NMNAT1: variants seen among roughly 807,000 people sequenced by gnomAD.
NMNAT1 encodes nicotinamide/nicotinic acid mononucleotide adenylyltransferase 1.
Under a neutral mutation model 16.7 loss-of-function variants are expected in NMNAT1, and 11 were observed. The ratio of observed to expected loss-of-function variants is 0.66; its 90% CI spans 0.41 to 1.09. The LOEUF (loss-of-function observed/expected upper bound fraction) is 1.09, where lower values mean the gene tolerates loss of function less well. NMNAT1 is among the 50% of genes least tolerant of loss of function. NMNAT1 has a pLI of 0.00. For synonymous variants in NMNAT1, 110 were observed against 119.8 expected (o/e 0.92, Z 0.53); for missense variants, 280 against 332.3 (o/e 0.84, Z 1.22).
chr1:9,987,207 A>G (rs1386704423), downstream of NMNAT1, among the ~76,000 whole-genome samples: 2 of 151,688 alleles, frequency 1.3e-5, no homozygotes, highest in African/African-American at 4.8e-5. Flanking sequence ...CTCAACAAAC[A>G]AAAACAAAAC....
intron 1 of NMNAT1, among the ~76,000 whole-genome samples, chr1:9,967,009 A>G (rs1045195683): frequency 1.3e-5 from 2 of 152,046 alleles, no homozygotes; most frequent in African/African-American, 4.8e-5. Context: ...AGATCACCTG[A>G]GGTCAGGAGT....
chr1:9,980,616 A>G (rs1383873893), intron 3 of NMNAT1, among the ~76,000 whole-genome samples: 2 of 151,754 alleles, frequency 1.3e-5, no homozygotes, highest in Non-Finnish European at 2.9e-5. Context: ...GCAAGACACC[A>G]TCTCAAAATA....
downstream of NMNAT1, among the ~76,000 whole-genome samples, chr1:9,989,737 G>C (rs943906014): frequency 6.6e-6 from 1 of 152,096 alleles, no homozygotes; most frequent in African/African-American, 2.4e-5. Context: ...ATTCCTCCTG[G>C]ACACTGGACA....
At chr1:9,971,916 G>A (rs1199779666) in intron 1 of NMNAT1, 102 bp from the exon 2 acceptor site, 1 of 592,862 alleles carries the variant, frequency 1.7e-6, no homozygotes, top group African/African-American at 1.9e-5. Flanking sequence ...GGTGCAGTCA[G>A]CTGTGGTTGC....
chr1:9,982,799 C>T lies in NMNAT1; in HGVS notation c.*98C>T. ...AAGAAGTTGTGATCTGTTGCCTAAACTAAAGCTTAAAAGTTTAGTAAAAAT... is the reference window on the plus strand; with the variant it reads ...AAGAAGTTGTGATCTGTTGCCTAAATTAAAGCTTAAAAGTTTAGTAAAAAT... On this transcript the variant is annotated 3_prime_UTR_variant, in exon 5 of 5. Coordinates refer to ENST00000377205, the MANE Select transcript of NMNAT1 (RefSeq NM_022787.4). 1 of 1,295,296 alleles carries T rather than the reference C, an allele frequency of 7.7e-7. No individual in the cohort carries two copies. The highest frequency in any genetic ancestry group is 1.1e-6 in the Non-Finnish European group (1 of 948,372). 80.2% of individuals were successfully genotyped at this position (1,295,296 alleles called of 1,614,324 possible). A position where few individuals can be genotyped will look rare whatever the true frequency, so the allele number is the denominator to read the frequency against.
chr1:9,980,332 A>G (rs910130644), intron 3 of NMNAT1, among the ~76,000 whole-genome samples: 2 of 151,912 alleles, frequency 1.3e-5, no homozygotes, highest in South Asian at 2.1e-4. Flanking sequence ...AATGTGTGGC[A>G]TATGATAAAT....
At position 9,983,039 on chromosome 1, in the gene NMNAT1, G is replaced by C. The variant is rs1641981449; in HGVS notation, c.*338G>C. ...GAGAATCACTTGACCCCAGGTGGTGGAGGTTGCAGTGAGCCAAGATTGCAC... is the reference window on the plus strand; with the variant it reads ...GAGAATCACTTGACCCCAGGTGGTGCAGGTTGCAGTGAGCCAAGATTGCAC... On this transcript the variant is annotated 3_prime_UTR_variant, in exon 5 of 5. Transcript: ENST00000377205. 1 of 192,504 alleles carries C rather than the reference G, an allele frequency of 5.2e-6. No individual in the cohort carries two copies. Among genetic ancestry groups the C allele is most frequent in the African/African-American group, 2.4e-5 (1 of 41,840 alleles). The allele number at this position is 192,504 out of a possible 1,614,324, so 11.9% of individuals were successfully genotyped here.
intron 1 of NMNAT1, among the ~76,000 whole-genome samples, chr1:9,952,662 C>G (rs1193080284): frequency 6.6e-6 from 1 of 151,952 alleles, no homozygotes; most frequent in African/African-American, 2.4e-5. Context: ...CTCAGCCTCC[C>G]TAGTAGGTGG....
Position 9,948,560 on chromosome 1 carries a change from C to T in NMNAT1, c.-57+5045C>T, listed in dbSNP as rs143432515. On this transcript the variant is annotated intron_variant, in intron 1 of 4. Coordinates refer to ENST00000377205, the MANE Select transcript of NMNAT1 (RefSeq NM_022787.4). ...TTGTATTCCAGCCTGGGTGATAGAG[C>T]GAGACCCTGTCTCAAAATGAAGTGG... Among the ~76,000 whole-genome samples, 678 of 151,984 alleles carry T rather than the reference C, an allele frequency of 4.5e-3. 5 individuals are homozygous for T. Among genetic ancestry groups the T allele is most frequent in the African/African-American group, 0.015 (634 of 41,442 alleles).
At chr1:9,967,554 A>AT (rs1424120946) in intron 1 of NMNAT1, 1 of 152,116 alleles carries the variant, frequency 6.6e-6, no homozygotes, top group Non-Finnish European at 1.5e-5. Context: ...ACAAATAGAG[A>AT]TTTTTCATCT....
chr1:9,973,707 CAA>C (rs1053350657), intron 2 of NMNAT1, among the ~76,000 whole-genome samples: 294 of 21,556 alleles, frequency 0.014, no homozygotes, highest in Non-Finnish European at 0.02. Context: ...GACTCCATCT[CAA>C]AAAAAAAAAA....
At chr1:9,957,534 C>T (rs1459601299) in intron 1 of NMNAT1, among the ~76,000 whole-genome samples, 1 of 141,996 alleles carries the variant, frequency 7.0e-6, no homozygotes, top group Non-Finnish European at 1.5e-5. Flanking sequence ...ACCTCGTGAT[C>T]CACGCCTCGG....
At chr1:9,963,256 A>G (rs1004510333) in intron 1 of NMNAT1, among the ~76,000 whole-genome samples, 1 of 152,114 alleles carries the variant, frequency 6.6e-6, no homozygotes, top group African/African-American at 2.4e-5. Flanking sequence ...AATCTGAACA[A>G]AAGCAAGTTG....
intron 2 of NMNAT1, among the ~76,000 whole-genome samples, chr1:9,974,931 A>T (rs187896049): frequency 1.3e-5 from 2 of 152,204 alleles, no homozygotes; most frequent in Non-Finnish European, 2.9e-5. Context: ...GGGCTTTTGC[A>T]TACATCTAGG....
At chr1:9,979,884 T>C (rs1482934925) in intron 3 of NMNAT1, among the ~76,000 whole-genome samples, 1 of 152,008 alleles carries the variant, frequency 6.6e-6, no homozygotes, top group Non-Finnish European at 1.5e-5. Flanking sequence ...GCCTCCTTTC[T>C]CCTTCCCTTA....
downstream of NMNAT1, among the ~76,000 whole-genome samples, chr1:9,987,199 C>T (rs1642055273): frequency 6.6e-6 from 1 of 150,428 alleles, no homozygotes; most frequent in South Asian, 2.1e-4. Context: ...AACTCCCTCT[C>T]AACAAACAAA....
chr1:9,986,755 G>C (rs542837006), downstream of NMNAT1, among the ~76,000 whole-genome samples: 1 of 151,998 alleles, frequency 6.6e-6, no homozygotes, highest in Non-Finnish European at 1.5e-5. Flanking sequence ...GGTGGTGTGC[G>C]CCTGTAGTCC....
chr1:9,970,249 A>G (rs527441500), intron 1 of NMNAT1, among the ~76,000 whole-genome samples: 1 of 152,290 alleles, frequency 6.6e-6, no homozygotes, highest in African/African-American at 2.4e-5. Flanking sequence ...ATGTAGAGTT[A>G]TGGTAGAAAC....
chr1:9,969,946 G>A (rs1252424538), intron 1 of NMNAT1, among the ~76,000 whole-genome samples: 1 of 152,064 alleles, frequency 6.6e-6, no homozygotes, highest in Non-Finnish European at 1.5e-5. Context: ...TGAAATTTCA[G>A]AACACTGCGG....
Sources: gnomAD v4.1 joint callset for allele counts (sites outside exome capture counted in the v4.1 genomes callset) on GRCh38, gnomAD v4.1.1 for gene constraint, MANE v1.5 for transcripts, NCBI Gene and HGNC (gene_info 2026-07-23, HGNC 2026-07-21) for gene names.